FAM167A: variants seen among roughly 807,000 people sequenced by gnomAD.
The protein encoded by FAM167A is protein FAM167A.
Under a neutral mutation model 14.9 loss-of-function variants are expected in FAM167A, and 23 were observed. The observed-to-expected ratio is 1.55, with a 90% CI of 1.11 to 2.19. FAM167A has a LOEUF of 2.19. FAM167A is among the 30% of genes most tolerant of loss of function. The pLI is 0.00. For missense variants in FAM167A, 401 were observed against 281.5 expected, an observed-to-expected ratio of 1.42 and a Z score of -3.04; for synonymous variants, 174 against 117.7, an observed-to-expected ratio of 1.48 and a Z score of -3.10.
chr8:11,451,866 G>C (rs1342023376), intron 1 of FAM167A, among the ~76,000 whole-genome samples: 9 of 152,186 alleles, frequency 5.9e-5, no homozygotes, highest in Non-Finnish European at 1.0e-4. Context: ...ATCTGCCCTG[G>C]TTCTGCCTGT....
At chr8:11,449,409 G>T (rs369510003) in intron 1 of FAM167A, among the ~76,000 whole-genome samples, 1 of 152,320 alleles carries the variant, frequency 6.6e-6, no homozygotes, top group Non-Finnish European at 1.5e-5. Context: ...TTCCTGGGCT[G>T]GAAAAGCAGT....
At chr8:11,433,773 G>A (rs368547371) in intron 2 of FAM167A, 2 of 152,208 alleles carry the variant, frequency 1.3e-5, no homozygotes, top group South Asian at 2.1e-4. Context: ...GAGGGTGCGT[G>A]TAAAATCCAG....
At chr8:11,462,239 G>T (rs1807569752) in intron 1 of FAM167A, among the ~76,000 whole-genome samples, 1 of 152,244 alleles carries the variant, frequency 6.6e-6, no homozygotes, top group African/African-American at 2.4e-5. Flanking sequence ...AGTTAGAACA[G>T]GGCAGAGCCG....
At chr8:11,439,704 C>G (rs1585251481) in intron 2 of FAM167A, among the ~76,000 whole-genome samples, 1 of 152,344 alleles carries the variant, frequency 6.6e-6, no homozygotes, top group Admixed American at 6.5e-5. Context: ...GGGCTTCTCA[C>G]TACAAACTGC....
Position 11,444,206 on chromosome 8 carries a change from G to T in FAM167A, c.206C>A (p.Ala69Glu). ...PFPRPAAEPQ[A>E]SLEEGERGGQ... ...CCCACGCTCCCCCTCCTCCAAGCTC[G>T]CCTGTGGCTCCGCAGCCGGCCTCGG... Residue 69 changes from alanine to glutamate, a missense_variant, in exon 2 of 3, where the codon GCG (alanine) becomes GAG (glutamate). Ala to Glu is a moderately radical substitution (Grantham distance 107, BLOSUM62 -1). Transcript: ENST00000284486. The T allele has an allele frequency of 1.2e-6, 2 of 1,612,844 alleles. No individual in the cohort carries two copies. Among genetic ancestry groups the T allele is most frequent in the Non-Finnish European group, 1.7e-6 (2 of 1,179,864 alleles).
chr8:11,424,206 C>A lies in FAM167A; in HGVS notation c.*167G>T. On this transcript the variant is annotated 3_prime_UTR_variant, in exon 3 of 3. Coordinates refer to ENST00000284486, the MANE Select transcript of FAM167A (RefSeq NM_053279.3). ...AGACACTGGCATCCACACCCAGGGC[C>A]CCTGGGTGGGAGAGCACCACTGAAT... 2.5e-6 allele frequency: 2 copies of A among 785,678 alleles called. No individual in the cohort carries two copies. The highest frequency in any genetic ancestry group is 2.7e-5 in the East Asian group (1 of 36,974). The allele number at this position is 785,678 out of a possible 1,614,324, so 48.7% of individuals were successfully genotyped here.
intron 1 of FAM167A, among the ~76,000 whole-genome samples, chr8:11,447,206 G>T (rs1392130899): frequency 6.2e-5 from 5 of 80,730 alleles, no homozygotes; most frequent in African/African-American, 2.3e-4. Context: ...TTGAGACGGA[G>T]TTTTCACTCT....
rs538806500 is a variant in FAM167A at position 11,443,632 on chromosome 8, G to A, written c.381+399C>T. On this transcript the variant is annotated intron_variant, in intron 2 of 2. Coordinates refer to ENST00000284486, the MANE Select transcript of FAM167A (RefSeq NM_053279.3). ...AGAGGCCGCTCACGTGCAGAAGAGT[G>A]GTCCCCGGAGTGGCAGGCAGCTGGG... 30 of 193,386 alleles carry A rather than the reference G, an allele frequency of 1.6e-4. No homozygotes were observed. In the South Asian group the frequency reaches 2.6e-3, roughly 16 times the overall value. 12.0% of individuals were successfully genotyped at this position (193,386 alleles called of 1,614,324 possible). A position where few individuals can be genotyped will look rare whatever the true frequency, so the allele number is the denominator to read the frequency against.
intron 1 of FAM167A, among the ~76,000 whole-genome samples, chr8:11,475,204 G>A (rs1036154976): frequency 1.3e-5 from 2 of 152,260 alleles, no homozygotes; most frequent in Admixed American, 6.5e-5. Flanking sequence ...AGGTTCCTCG[G>A]CTTTTCCTCT....
chr8:11,448,779 G>A (rs1248871795), intron 1 of FAM167A, among the ~76,000 whole-genome samples: 1 of 152,202 alleles, frequency 6.6e-6, no homozygotes, highest in East Asian at 1.9e-4. Context: ...ACTCCACCCT[G>A]TGCTCTCTGC....
chr8:11,443,775 A>T, intron 2 of FAM167A: 1 of 475,272 alleles, frequency 2.1e-6, no homozygotes, highest in Non-Finnish European at 3.8e-6. Flanking sequence ...ACATGGGTTC[A>T]GGTTCTGCCA....
chr8:11,445,672 T>G, intron 1 of FAM167A: 1 of 952,714 alleles, frequency 1.0e-6, no homozygotes, highest in Non-Finnish European at 1.2e-6. Flanking sequence ...AGACACAGGG[T>G]AGAAATCTAA....
chr8:11,428,822 C>G (rs1379766838), intron 2 of FAM167A, among the ~76,000 whole-genome samples: 1 of 152,210 alleles, frequency 6.6e-6, no homozygotes, highest in Non-Finnish European at 1.5e-5. Context: ...ACCTTAAACA[C>G]TAACTTGAGC....
At chr8:11,456,905 G>C (rs115673240) in intron 1 of FAM167A, among the ~76,000 whole-genome samples, 1 of 142,476 alleles carries the variant, frequency 7.0e-6, no homozygotes, top group Non-Finnish European at 1.5e-5. Flanking sequence ...GGGGGGATTG[G>C]GTTCGGGAAG....
intron 1 of FAM167A, among the ~76,000 whole-genome samples, chr8:11,454,711 CCA>C (rs1411784485): frequency 6.6e-6 from 1 of 152,188 alleles, no homozygotes; most frequent in Non-Finnish European, 1.5e-5. Flanking sequence ...GGACATGGCT[CCA>C]CAGTCGGCCT....
At chr8:11,452,253 T>A (rs1226777810) in intron 1 of FAM167A, among the ~76,000 whole-genome samples, 3 of 152,230 alleles carry the variant, frequency 2.0e-5, no homozygotes, top group African/African-American at 7.2e-5. Flanking sequence ...GAGGACAGAA[T>A]GACAATTTCG....
intron 2 of FAM167A, 149 bp downstream of exon 2, chr8:11,443,882 G>T (rs778442788): frequency 3.8e-6 from 4 of 1,047,050 alleles, no homozygotes; most frequent in East Asian, 2.5e-5. Flanking sequence ...TTCAACTCAC[G>T]GGAAGATTAC....
intron 1 of FAM167A, among the ~76,000 whole-genome samples, chr8:11,448,778 T>G (rs1806899647): frequency 6.6e-6 from 1 of 152,250 alleles, no homozygotes; most frequent in African/African-American, 2.4e-5. Context: ...GACTCCACCC[T>G]GTGCTCTCTG....
intron 1 of FAM167A, among the ~76,000 whole-genome samples, chr8:11,447,737 TG>T (rs1806846961): frequency 6.6e-6 from 1 of 152,228 alleles, no homozygotes; most frequent in Admixed American, 6.5e-5. Context: ...GTGTGGGCTC[TG>T]GGTTAGAGCT....
Sources: allele counts gnomAD v4.1 joint callset (sites outside exome capture counted in the v4.1 genomes callset), GRCh38; gene constraint gnomAD v4.1.1; transcripts MANE v1.5; gene names NCBI Gene and HGNC (gene_info 2026-07-23, HGNC 2026-07-21).